OXCT1: variants seen among roughly 807,000 people sequenced by gnomAD.
OXCT1 encodes the protein 3-oxoacid CoA-transferase 1, also known as succinyl-CoA:3-ketoacid coenzyme A transferase 1, mitochondrial.
In OXCT1, 27 loss-of-function variants were observed where a neutral mutation model predicts 69.6. That is an observed-to-expected ratio of 0.39 (90% CI 0.29 to 0.54). The LOEUF (loss-of-function observed/expected upper bound fraction) is 0.54. OXCT1 is among the 20% of genes least tolerant of loss of function. OXCT1 has a pLI of 0.72. For missense variants in OXCT1, 437 were observed against 650.2 expected (o/e 0.67, Z 3.57); for synonymous variants, 202 against 217.8 (o/e 0.93, Z 0.64).
intron 9 of OXCT1, 127 bp downstream of exon 9, chr5:41,805,440 T>G: frequency 1.6e-6 from 1 of 620,624 alleles, no homozygotes; most frequent in Non-Finnish European, 2.8e-6. Flanking sequence ...AAAAAAAAAA[T>G]TGATTAATTA....
intron 11 of OXCT1, among the ~76,000 whole-genome samples, chr5:41,798,487 C>G (rs573850607): frequency 1.3e-5 from 2 of 152,194 alleles, no homozygotes; most frequent in Admixed American, 1.3e-4. Context: ...GTTACTCCCC[C>G]AGGTGTGACA....
intron 13 of OXCT1, among the ~76,000 whole-genome samples, chr5:41,770,709 T>C (rs1744837278): frequency 6.6e-6 from 1 of 152,212 alleles, no homozygotes; most frequent in Non-Finnish European, 1.5e-5. Flanking sequence ...CTACCACTTC[T>C]GTTTTCTTTC....
At position 41,751,923 on chromosome 5, in the gene OXCT1, A is replaced by C. The variant is rs551928220; in HGVS notation, c.1339-2316T>G. The stretch of plus-strand genomic sequence containing the variant: ...ACACAGATCAAGGAAAAAGAAAATG[A>C]GATGCAGAAAGATTTTAAAATGTCA... On this transcript the variant is annotated intron_variant, in intron 14 of 16. Coordinates refer to ENST00000196371, the MANE Select transcript of OXCT1 (RefSeq NM_000436.4). Among the ~76,000 whole-genome samples, 4 of 152,260 alleles carry C rather than the reference A, an allele frequency of 2.6e-5. No homozygotes were observed. In the East Asian group the frequency reaches 7.7e-4, roughly 29 times the overall value.
chr5:41,765,452 G>C (rs1330227167), intron 13 of OXCT1, among the ~76,000 whole-genome samples: 1 of 152,096 alleles, frequency 6.6e-6, no homozygotes, highest in African/African-American at 2.4e-5. Context: ...TTCAAAATGA[G>C]TAAAAAAATA....
intron 13 of OXCT1, among the ~76,000 whole-genome samples, chr5:41,775,019 G>C (rs935400556): frequency 6.6e-6 from 1 of 152,104 alleles, no homozygotes; most frequent in Non-Finnish European, 1.5e-5. Context: ...AAATGGGAGA[G>C]AAGAGACAAA....
At chr5:41,851,460 AT>A (rs1186606207) in intron 4 of OXCT1, among the ~76,000 whole-genome samples, 5 of 152,190 alleles carry the variant, frequency 3.3e-5, no homozygotes, top group African/African-American at 1.2e-4. Flanking sequence ...AATATGTTTT[AT>A]ATATACCCTC....
rs115669421 is a variant in OXCT1, at chr5:41,786,860, A to G, written c.1248+7143T>C. 6.2e-3 allele frequency among the ~76,000 whole-genome samples: 942 copies of G among 152,308 alleles called. 10 individuals carry two copies. The highest frequency in any genetic ancestry group is 0.022 in the African/African-American group (898 of 41,564). On this transcript the variant is annotated intron_variant, in intron 13 of 16. Transcript: ENST00000196371. The stretch of plus-strand genomic sequence containing the variant: ...CACTAACACAGAATACTCATTATCA[A>G]TGTTGTTTTTTAATATAACTAAAGA...
intron 7 of OXCT1, among the ~76,000 whole-genome samples, chr5:41,815,887 A>C (rs1747218508): frequency 6.6e-6 from 1 of 152,182 alleles, no homozygotes; most frequent in African/African-American, 2.4e-5. Context: ...AATGCCAACT[A>C]AAATTTAAAA....
chr5:41,762,736 C>A lies in OXCT1; in HGVS notation c.1249-536G>T, dbSNP rs868860711. On this transcript the variant is annotated intron_variant, in intron 13 of 16. Transcript: ENST00000196371. The surrounding 1 kb of genome is among the most constrained non-coding windows in gnomAD (Gnocchi z 4.0). ...TTTCTAACACTTGGCATTTATCTTGCGCTTAGAAAAATAAAATAAAAAACA... is the reference window on the plus strand; with the variant it reads ...TTTCTAACACTTGGCATTTATCTTGAGCTTAGAAAAATAAAATAAAAAACA... Among the ~76,000 whole-genome samples, 2 of 152,046 alleles carry A rather than the reference C, an allele frequency of 1.3e-5. No homozygotes were observed. Among genetic ancestry groups the A allele is most frequent in the African/African-American group, 4.8e-5 (2 of 41,414 alleles).
intron 15 of OXCT1, among the ~76,000 whole-genome samples, chr5:41,746,637 T>C (rs993652972): frequency 3.3e-5 from 5 of 152,102 alleles, no homozygotes; most frequent in Admixed American, 6.6e-5. Flanking sequence ...ATTATCCCCA[T>C]ATGTTAATGA....
chr5:41,815,393 T>A (rs1285465201), intron 7 of OXCT1, among the ~76,000 whole-genome samples: 1 of 152,126 alleles, frequency 6.6e-6, no homozygotes, highest in Non-Finnish European at 1.5e-5. Context: ...TGCCCAGGCT[T>A]GTCTCAAATT....
chr5:41,788,984 A>G lies in OXCT1; in HGVS notation c.1248+5019T>C, dbSNP rs567565372. 2.8e-3 allele frequency among the ~76,000 whole-genome samples: 421 copies of G among 152,366 alleles called. 1 individual carries two copies. Among genetic ancestry groups the G allele is most frequent in the Non-Finnish European group, 4.7e-3 (320 of 68,028 alleles). On this transcript the variant is annotated intron_variant, in intron 13 of 16. Transcript: ENST00000196371. ...AAAAAGTTATGTGGAAAATTACCAA[A>G]TATTTGGAAACTGACACACCTTTAA...
At chr5:41,820,372 T>C (rs757467168) in intron 7 of OXCT1, among the ~76,000 whole-genome samples, 4 of 152,130 alleles carry the variant, frequency 2.6e-5, no homozygotes, top group Non-Finnish European at 4.4e-5. Flanking sequence ...TTCCAAAACC[T>C]TAAAATGTTG....
intron 7 of OXCT1, among the ~76,000 whole-genome samples, chr5:41,822,975 A>G (rs1747631584): frequency 6.6e-6 from 1 of 152,068 alleles, no homozygotes; most frequent in Admixed American, 6.5e-5. Context: ...TACTATTCTC[A>G]TCATTGTCCT....
intron 7 of OXCT1, among the ~76,000 whole-genome samples, chr5:41,823,548 C>CTCT (rs1391608996): frequency 2.0e-5 from 3 of 152,188 alleles, no homozygotes; most frequent in Admixed American, 1.3e-4. Context: ...ATTAGCCTGT[C>CTCT]TCTCTCCAAT....
intron 13 of OXCT1, among the ~76,000 whole-genome samples, chr5:41,786,241 C>T (rs1745638085): frequency 6.6e-6 from 1 of 152,132 alleles, no homozygotes; most frequent in Non-Finnish European, 1.5e-5. Context: ...TCACCCCACT[C>T]CACACACACA....
intron 7 of OXCT1, among the ~76,000 whole-genome samples, chr5:41,818,240 G>A (rs895991546): frequency 6.6e-6 from 1 of 152,044 alleles, no homozygotes; most frequent in Non-Finnish European, 1.5e-5. Context: ...CAATAATAGA[G>A]GGAACATTCC....
intron 13 of OXCT1, among the ~76,000 whole-genome samples, chr5:41,764,493 G>A (rs1561371369): frequency 6.6e-6 from 1 of 152,122 alleles, no homozygotes; most frequent in Non-Finnish European, 1.5e-5. Flanking sequence ...GGAAAAGCTT[G>A]TTGCCTATGG....
chr5:41,819,678 T>A (rs1417102194), intron 7 of OXCT1, among the ~76,000 whole-genome samples: 7 of 151,174 alleles, frequency 4.6e-5, no homozygotes, highest in Non-Finnish European at 8.9e-5. Context: ...TTTTTTTTTT[T>A]AAACACAATC....
Sources: allele counts gnomAD v4.1 joint callset (sites outside exome capture counted in the v4.1 genomes callset), GRCh38; gene constraint gnomAD v4.1.1; non-coding constraint Gnocchi (gnomAD v3.1); transcripts MANE v1.5; gene names NCBI Gene and HGNC (gene_info 2026-07-23, HGNC 2026-07-21).